The following RSRP1 variants were observed in gnomAD, a reference collection of about 807,000 sequenced individuals.
RSRP1 encodes arginine and serine rich protein 1, also known as arginine/serine-rich protein 1.
In RSRP1, 37 loss-of-function variants were observed where a neutral mutation model predicts 33.0. That is an observed-to-expected ratio of 1.12 (90% confidence interval 0.86 to 1.48). The LOEUF (loss-of-function observed/expected upper bound fraction) is 1.48. Ranked by LOEUF, RSRP1 falls within the 40% of genes most tolerant of loss-of-function variation. RSRP1 has a pLI of 0.00. For missense variants in RSRP1, 402 were observed against 385.3 expected (o/e 1.04, Z -0.36); for synonymous variants, 167 against 158.7 (o/e 1.05, Z -0.40).
At position 25,242,590 on chromosome 1, in the gene RSRP1, T is replaced by C; in HGVS notation, c.872A>G (p.Ter291=). ...AACTTAGCCATCAGTTTTCTTCTTTTAGATAGGTATCCACAGTCCATATGG... is the reference window on the plus strand; with the variant it reads ...AACTTAGCCATCAGTTTTCTTCTTTCAGATAGGTATCCACAGTCCATATGG... ...KSPYGLWIPI[*] Residue 291 remains the stop codon, a stop_retained_variant, in exon 5 of 5, where the codon TAA becomes TGA. Transcript: ENST00000243189. The C allele has an allele frequency of 6.4e-7, 1 of 1,566,994 alleles. No individual in the cohort carries two copies. The highest frequency in any genetic ancestry group is 8.7e-7 in the Non-Finnish European group (1 of 1,149,672).
intron 1 of RSRP1, among the ~76,000 whole-genome samples, chr1:25,262,397 A>G (rs1640185676): frequency 6.6e-6 from 1 of 152,228 alleles, no homozygotes; most frequent in African/African-American, 2.4e-5. Context: ...AACAGAAAAC[A>G]AACAGATATA....
chr1:25,331,564 AT>A (rs71014354), intron 1 of RSRP1, among the ~76,000 whole-genome samples: 1,351 of 74,308 alleles, frequency 0.018, 21 homozygotes, highest in African/African-American at 0.055. Flanking sequence ...GAAAAATGTG[AT>A]TTTTTTTTTT....
At chr1:25,252,539 T>C (rs961904864) in intron 1 of RSRP1, among the ~76,000 whole-genome samples, 3 of 151,060 alleles carry the variant, frequency 2.0e-5, no homozygotes, top group Non-Finnish European at 3.0e-5. Flanking sequence ...GACCTTTTTT[T>C]TTTTTTTTTT....
intron 4 of RSRP1, among the ~76,000 whole-genome samples, 163 bp from the exon 5 acceptor site, chr1:25,242,868 G>A (rs1571502160): frequency 1.3e-5 from 2 of 152,188 alleles, no homozygotes; most frequent in South Asian, 2.1e-4. Flanking sequence ...AGGCTGACAC[G>A]GGCGGATCAC....
In RSRP1 at chr1:25,310,837, G is replaced by A. The variant is rs1017724883; in HGVS notation, c.-67+27141C>T. On this transcript the variant is annotated intron_variant, in intron 1 of 1. Coordinates refer to the RSRP1 transcript ENST00000561867. ...AAATACAAAAAATTAGCTGGGCGTGGTGGCGCACACCTGTAATCTCAGCTA... is the reference window on the plus strand; with the variant it reads ...AAATACAAAAAATTAGCTGGGCGTGATGGCGCACACCTGTAATCTCAGCTA... Among the ~76,000 whole-genome samples, 10 of 130,862 alleles carry A rather than the reference G, an allele frequency of 7.6e-5. 2 individuals carry two copies. Among genetic ancestry groups the A allele is most frequent in the Admixed American group, 6.6e-4 (9 of 13,554 alleles). 85.9% of individuals were successfully genotyped at this position (130,862 alleles called of 152,430 possible).
At chr1:25,251,770 A>G (rs543704085), upstream of RSRP1, among the ~76,000 whole-genome samples, 57 of 152,344 alleles carry the variant, frequency 3.7e-4, no homozygotes, top group African/African-American at 1.2e-3. Flanking sequence ...CTAGAGGTAT[A>G]GAATCCTCTA....
At position 25,290,563 on chromosome 1, in the gene RSRP1, G is replaced by T. The variant is rs1283596428; in HGVS notation, c.-66-43534C>A. On this transcript the variant is annotated intron_variant, in intron 1 of 1. Coordinates refer to the RSRP1 transcript ENST00000561867. Reference sequence around the variant, plus strand: ...AACAGTGTTTGTTGAAAGAATGAATGAATGAATGAATGAATGAATGAATGA... The same window carrying T: ...AACAGTGTTTGTTGAAAGAATGAATTAATGAATGAATGAATGAATGAATGA... 4.5e-6 allele frequency: 5 copies of T among 1,099,792 alleles called. 2 individuals carry two copies. The highest frequency in any genetic ancestry group is 6.9e-6 in the Non-Finnish European group (5 of 727,760). 68.1% of individuals were successfully genotyped at this position (1,099,792 alleles called of 1,614,324 possible).
upstream of RSRP1, among the ~76,000 whole-genome samples, chr1:25,250,592 T>C (rs529433805): frequency 1.3e-5 from 2 of 152,362 alleles, no homozygotes; most frequent in South Asian, 4.1e-4. Context: ...AAAGGAATTA[T>C]GCAGATGTAA....
rs1228937980 is a variant in RSRP1, at chr1:25,295,892, C to T, written c.-67+42086G>A. On this transcript the variant is annotated intron_variant, in intron 1 of 1. Coordinates refer to the RSRP1 transcript ENST00000561867. ...TTTTTTTTTTTTTGAGATGGAGTTTCGCTGTTGTCATCCAGGCTGGATTGC... is the reference window on the plus strand; with the variant it reads ...TTTTTTTTTTTTTGAGATGGAGTTTTGCTGTTGTCATCCAGGCTGGATTGC... Among the ~76,000 whole-genome samples, 4 of 75,932 alleles carry T rather than the reference C, an allele frequency of 5.3e-5. No homozygotes were observed. The Admixed American group carries it at 5.6e-4, about 11-fold the overall frequency. The allele number at this position is 75,932 out of a possible 152,430, so 49.8% of individuals were successfully genotyped here.
chr1:25,252,690 C>A (rs944156472), intron 1 of RSRP1, among the ~76,000 whole-genome samples: 2 of 152,168 alleles, frequency 1.3e-5, no homozygotes, highest in Non-Finnish European at 2.9e-5. Flanking sequence ...CCAGCAACTA[C>A]GCCCAGCTAA....
At chr1:25,276,405 T>C (rs1305037377) in intron 1 of RSRP1, among the ~76,000 whole-genome samples, 1 of 114,988 alleles carries the variant, frequency 8.7e-6, no homozygotes, top group Admixed American at 8.5e-5. Flanking sequence ...AAAAGTTCTG[T>C]AATAGTTAAT....
chr1:25,250,441 G>A (rs1422201601), upstream of RSRP1, among the ~76,000 whole-genome samples: 1 of 152,178 alleles, frequency 6.6e-6, no homozygotes, highest in South Asian at 2.1e-4. Context: ...ACAAGGTAGG[G>A]TATCACAACA....
chr1:25,252,049 C>A (rs958631191), upstream of RSRP1, among the ~76,000 whole-genome samples: 4 of 150,724 alleles, frequency 2.7e-5, no homozygotes, highest in East Asian at 1.9e-4. Context: ...CGCCACCACG[C>A]CTGGCTAATT....
chr1:25,289,317 C>T (rs1283053148), intron 1 of RSRP1, among the ~76,000 whole-genome samples: 1 of 129,298 alleles, frequency 7.7e-6, no homozygotes, highest in East Asian at 2.0e-4. Context: ...GCCTCAGCCT[C>T]GAGAGTGGCT....
intron 1 of RSRP1, among the ~76,000 whole-genome samples, chr1:25,331,900 C>T (rs1464920013): frequency 7.0e-5 from 9 of 128,854 alleles, no homozygotes; most frequent in African/African-American, 2.1e-4. Context: ...CCACTACGCC[C>T]GGCTAACTTT....
chr1:25,329,779 G>A (rs28744664), intron 1 of RSRP1: 1,645 of 129,344 alleles, frequency 0.013, 448 homozygotes, highest in Non-Finnish European at 0.024. Context: ...TCAGCCTCCC[G>A]AGTAGCTGGA....
At chr1:25,310,045 A>G (rs1381617797) in intron 1 of RSRP1, among the ~76,000 whole-genome samples, 1 of 132,278 alleles carries the variant, frequency 7.6e-6, no homozygotes, top group African/African-American at 2.5e-5. Context: ...AATATCATAC[A>G]AGTACCATTT....
intron 1 of RSRP1, chr1:25,329,262 T>A: frequency 1.7e-6 from 1 of 576,116 alleles, no homozygotes; most frequent in Non-Finnish European, 2.9e-6. Flanking sequence ...TTTTTTTTTT[T>A]GAGATGTAGT....
Position 25,300,984 on chromosome 1 carries a change from C to T in RSRP1, c.-67+36994G>A, listed in dbSNP as rs1214722999. Reference sequence around the variant, plus strand: ...TGAACATGATGCACATCTACGTGTTCGCAGCCTATTTTGGGCTGTCTGTGG... The same window carrying T: ...TGAACATGATGCACATCTACGTGTTTGCAGCCTATTTTGGGCTGTCTGTGG... On this transcript the variant is annotated intron_variant, in intron 1 of 1. Coordinates refer to the RSRP1 transcript ENST00000561867. The T allele has an allele frequency of 1.1e-5, 15 of 1,378,620 alleles. 4 individuals carry two copies. The highest frequency in any genetic ancestry group is 7.1e-5 in the African/African-American group (5 of 70,230). The allele number at this position is 1,378,620 out of a possible 1,614,324, so 85.4% of individuals were successfully genotyped here. A position where few individuals can be genotyped will look rare whatever the true frequency, so the allele number is the denominator to read the frequency against.
Sources: allele counts gnomAD v4.1 joint callset (sites outside exome capture counted in the v4.1 genomes callset), GRCh38; gene constraint gnomAD v4.1.1; transcripts MANE v1.5; gene names NCBI Gene and HGNC (gene_info 2026-07-23, HGNC 2026-07-21).